Variants in ITSN1 observed in about 807,000 individuals in gnomAD.
ITSN1 encodes the protein intersectin 1.
A neutral mutation model predicts 239.8 loss-of-function variants in ITSN1; 58 were observed. The observed-to-expected ratio is 0.24, with a 90% CI of 0.20 to 0.30. ITSN1 has a LOEUF of 0.30. ITSN1 is among the 10% of genes least tolerant of loss of function. ITSN1 has a pLI of 1.00. For synonymous variants in ITSN1, 780 were observed against 770.8 expected, an observed-to-expected ratio of 1.01 and a Z score of -0.20; for missense variants, 1,558 against 2,103.3, an observed-to-expected ratio of 0.74 and a Z score of 5.07.
intron 10 of ITSN1, among the ~76,000 whole-genome samples, chr21:33,766,423 CAAAG>C (rs1353162813): frequency 4.6e-5 from 7 of 152,136 alleles, no homozygotes; most frequent in African/African-American, 7.2e-5. Context: ...ATCAGGAAGA[CAAAG>C]AAAATTACCC....
At chr21:33,658,677 A>G (rs962182669) in intron 1 of ITSN1, among the ~76,000 whole-genome samples, 6 of 152,116 alleles carry the variant, frequency 3.9e-5, no homozygotes, top group African/African-American at 1.4e-4. Context: ...CATCTAGAGC[A>G]TTGCTCACCT....
chr21:33,818,465 T>G lies in ITSN1; in HGVS notation c.2926T>G (p.Ser976Ala). ...ACTCATTTCAGGGCCCATAAGGAAG[T>G]CTACAAGGTATTTTTGTATTTATCT... ...VKLISGPIRK[S>A]TSMDSGSSES... The change falls in exon 23 of 40, where the codon TCT (serine) becomes GCT (alanine). Residue 976 changes from serine (S) to alanine (A), a missense_variant. This residue lies in a region of ITSN1 where 982 missense variants were observed against 1,209.9 expected (regional missense o/e 0.81). Coordinates refer to ENST00000381318, the MANE Select transcript of ITSN1 (RefSeq NM_003024.3). 1 of 1,613,188 alleles carries G rather than the reference T, an allele frequency of 6.2e-7. No homozygotes were observed.
chr21:33,850,814 G>A (rs908245274), intron 29 of ITSN1, among the ~76,000 whole-genome samples: 4 of 152,194 alleles, frequency 2.6e-5, no homozygotes, highest in African/African-American at 9.7e-5. Flanking sequence ...GAGGCCCAGG[G>A]TGTTGAAGGG....
chr21:33,817,652 C>T (rs2073378583), intron 22 of ITSN1: 1 of 1,216,686 alleles, frequency 8.2e-7, no homozygotes, highest in South Asian at 1.5e-5. Context: ...CCTAAATTAT[C>T]TGGGGGAGGC....
chr21:33,822,348 G>T (rs2073733448), intron 24 of ITSN1, among the ~76,000 whole-genome samples: 1 of 152,138 alleles, frequency 6.6e-6, no homozygotes. Context: ...CGACATTAAA[G>T]GAACATCATC....
intron 1 of ITSN1, among the ~76,000 whole-genome samples, chr21:33,694,206 A>C (rs979714227): frequency 2.0e-5 from 3 of 151,992 alleles, no homozygotes; most frequent in Admixed American, 6.6e-5. Flanking sequence ...TTTGTTACTT[A>C]TTTATTTATT....
intron 39 of ITSN1, among the ~76,000 whole-genome samples, chr21:33,887,452 A>G (rs1985970522): frequency 6.6e-6 from 1 of 152,120 alleles, no homozygotes; most frequent in African/African-American, 2.4e-5. Context: ...ATCTTTTAGT[A>G]CTTTTTATAT....
At chr21:33,747,248 A>C (rs959851797) in intron 5 of ITSN1, among the ~76,000 whole-genome samples, 35 of 152,344 alleles carry the variant, frequency 2.3e-4, no homozygotes, top group African/African-American at 8.2e-4. Context: ...AGACAGAGTC[A>C]GTGAAGTTGA....
At chr21:33,692,857 G>A (rs1367037716) in intron 1 of ITSN1, among the ~76,000 whole-genome samples, 6 of 151,606 alleles carry the variant, frequency 4.0e-5, no homozygotes, top group Admixed American at 2.0e-4. Context: ...TGCACCCTCT[G>A]CCTCCCAGTT....
rs1011642277 is a variant in ITSN1 at position 33,776,560 on chromosome 21, AAG to A, written c.1596+1460_1596+1461del. Among the ~76,000 whole-genome samples the A allele has an allele frequency of 5.5e-5, 8 of 145,228 alleles. No homozygotes were observed. The South Asian group carries it at 6.3e-4, about 11-fold the overall frequency. ...GACCCTGTTCAAAAAAAAAAAAAAA[AAG>A]AGAGAGAAAAGAGAAAGGAAAGAAA... is the stretch of plus-strand genomic sequence containing the variant. On this transcript the variant is annotated intron_variant, in intron 14 of 39. Transcript: ENST00000381318.
At position 33,709,476 on chromosome 21, in the gene ITSN1, G is replaced by A. The variant is rs1264196091; in HGVS notation, c.-32-9321G>A. 5.3e-5 allele frequency among the ~76,000 whole-genome samples: 8 copies of A among 152,164 alleles called. No individual in the cohort carries two copies. The East Asian group carries it at 1.4e-3, about 26-fold the overall frequency. ...TGTGCCACCATGCCTGGCTGATTTT[G>A]TATTTTTAGTGGTCAGGCTGGTCTC... On this transcript the variant is annotated intron_variant, in intron 1 of 39. Transcript: ENST00000381318.
At chr21:33,721,361 T>C (rs573615923) in intron 3 of ITSN1, 91 bp downstream of exon 3, 1 of 827,964 alleles carries the variant, frequency 1.2e-6, no homozygotes, top group Non-Finnish European at 2.0e-6. Context: ...TGGGCAAATA[T>C]GACCAAGGAG....
At chr21:33,743,902 C>A (rs1300967828) in intron 5 of ITSN1, among the ~76,000 whole-genome samples, 1 of 152,168 alleles carries the variant, frequency 6.6e-6, no homozygotes, top group Non-Finnish European at 1.5e-5. Context: ...AACTGACTTT[C>A]AAGTAGAAAA....
chr21:33,792,834 C>T (rs1233085628), intron 16 of ITSN1, among the ~76,000 whole-genome samples: 1 of 152,102 alleles, frequency 6.6e-6, no homozygotes, highest in African/African-American at 2.4e-5. Flanking sequence ...TGGATGTTCC[C>T]AGTGTCATCT....
At chr21:33,814,775 G>A (rs1414217682) in intron 22 of ITSN1, among the ~76,000 whole-genome samples, 1 of 152,126 alleles carries the variant, frequency 6.6e-6, no homozygotes, top group African/African-American at 2.4e-5. Flanking sequence ...AGGGCCGGCA[G>A]GGCGGTGCCA....
intron 25 of ITSN1, 85 bp from the exon 26 acceptor site, chr21:33,826,733 G>A: frequency 8.2e-7 from 1 of 1,223,254 alleles, no homozygotes; most frequent in South Asian, 1.2e-5. Context: ...TGGGGCTCAA[G>A]CGGGTTTGTA....
At chr21:33,826,194 C>A (rs2073961610) in intron 25 of ITSN1, among the ~76,000 whole-genome samples, 1 of 152,058 alleles carries the variant, frequency 6.6e-6, no homozygotes, top group African/African-American at 2.4e-5. Context: ...TGCCTCTATG[C>A]ATTGATAGAG....
At chr21:33,776,489 G>A (rs1379064815) in intron 14 of ITSN1, among the ~76,000 whole-genome samples, 1 of 149,284 alleles carries the variant, frequency 6.7e-6, no homozygotes, top group Non-Finnish European at 1.5e-5. Flanking sequence ...TATCGAGGCT[G>A]CAGTGAGCTA....
At chr21:33,866,534 A>C (rs534781865) in intron 32 of ITSN1, among the ~76,000 whole-genome samples, 1 of 152,238 alleles carries the variant, frequency 6.6e-6, no homozygotes, top group South Asian at 2.1e-4. Flanking sequence ...CTCAGTGGGA[A>C]TGTGGCACGT....
Sources: gnomAD v4.1 joint callset for allele counts (sites outside exome capture counted in the v4.1 genomes callset) on GRCh38, gnomAD v4.1.1 for gene constraint, gnomAD v4.1.1 regional missense constraint, MANE v1.5 for transcripts, NCBI Gene and HGNC (gene_info 2026-07-23, HGNC 2026-07-21) for gene names.